The following TSSC4 variants were observed in gnomAD, a reference collection of about 807,000 sequenced individuals.
The protein encoded by TSSC4 is U5 small nuclear ribonucleoprotein TSSC4.
For synonymous variants in TSSC4, 259 were observed against 197.9 expected, an observed-to-expected ratio of 1.31 and a Z score of -2.59; for missense variants, 500 against 443.9, an observed-to-expected ratio of 1.13 and a Z score of -1.14.
rs11555995 is a variant in TSSC4, at chr11:2,402,315, A to C, written c.-159A>C. 2 of 354,140 alleles carry C rather than the reference A, an allele frequency of 5.6e-6. No homozygotes were observed. The highest frequency in any genetic ancestry group is 1.1e-5 in the Non-Finnish European group (2 of 189,910). The allele number at this position is 354,140 out of a possible 1,614,324, so 21.9% of individuals were successfully genotyped here. ...GCAGTTGAGCAGCTGAACAGAGGCC[A>C]TGCCGGGGCACTCCGAGGCCTGAGA... On this transcript the variant is annotated 5_prime_UTR_variant, in exon 2 of 3. An upstream start codon of the reference 5' UTR is lost. Coordinates refer to ENST00000333256, the MANE Select transcript of TSSC4 (RefSeq NM_005706.4).
chr11:2,403,012 G>T lies in TSSC4; in HGVS notation c.379G>T (p.Ala127Ser), dbSNP rs1432779469. The change falls in exon 3 of 3, where the codon GCG (alanine) becomes TCG (serine). Residue 127 changes from alanine to serine, a missense_variant. Ala to Ser is a moderately conservative substitution (Grantham distance 99, BLOSUM62 1). Transcript: ENST00000333256. ...CAACGGAGGCTTCAAGCGGCCCCTA[G>T]CGCCCTCAGGCCGGTCTCCAGTGGA... The part of the protein sequence containing the change: ...SDNGGFKRPL[A>S]PSGRSPVEGL... 2 of 1,608,022 alleles carry T rather than the reference G, an allele frequency of 1.2e-6. No homozygotes were observed. The highest frequency in any genetic ancestry group is 1.7e-6 in the Non-Finnish European group (2 of 1,177,818).
In TSSC4 at chr11:2,403,274, T is replaced by C; in HGVS notation, c.641T>C (p.Ile214Thr). 6.2e-7 allele frequency: 1 copy of C among 1,612,386 alleles called. No homozygotes were observed. The highest frequency in any genetic ancestry group is 8.5e-7 in the Non-Finnish European group (1 of 1,179,518). ...DPSSCGEGRVIFTKPVRGVEA... is the reference protein window; with the variant it reads ...DPSSCGEGRVTFTKPVRGVEA... The stretch of plus-strand genomic sequence containing the variant: ...TCCAGCTGTGGGGAGGGGAGGGTCA[T>C]CTTCACCAAACCAGTCCGAGGGGTC... The change falls in exon 3 of 3, where the codon ATC becomes ACC. Residue 214 changes from isoleucine to threonine, a missense_variant. Transcript: ENST00000333256.
In TSSC4 at chr11:2,402,521, A is replaced by G. The variant is rs981967459; in HGVS notation, c.-24+71A>G. On this transcript the variant is annotated intron_variant, in intron 2 of 2. Transcript: ENST00000333256. ...GGACAGTTCTGTCAGTTGACCCTCC[A>G]CTTGTCCAGGGGCAGTGGATCTGCA... is the stretch of plus-strand genomic sequence containing the variant. 6.6e-6 allele frequency: 8 copies of G among 1,213,784 alleles called. No homozygotes were observed. In the African/African-American group the frequency reaches 1.1e-4, roughly 16 times the overall value. 75.2% of individuals were successfully genotyped at this position (1,213,784 alleles called of 1,614,324 possible).
At chr11:2,401,019 G>T (rs1444352287) in intron 1 of TSSC4, 3 of 152,214 alleles carry the variant, frequency 2.0e-5, no homozygotes, top group African/African-American at 7.2e-5. Flanking sequence ...GCTTGGCACC[G>T]AGAGTTCGTT....
At position 2,403,476 on chromosome 11, in the gene TSSC4, G is replaced by T; in HGVS notation, c.843G>T (p.Val281=). The T allele has an allele frequency of 6.2e-7, 1 of 1,600,344 alleles. No homozygotes were observed. Among genetic ancestry groups the T allele is most frequent in the Non-Finnish European group, 8.5e-7 (1 of 1,172,844 alleles). The change falls in exon 3 of 3, where the codon GTG becomes GTT. Residue 281 remains valine (V), a synonymous_variant. Coordinates refer to ENST00000333256, the MANE Select transcript of TSSC4 (RefSeq NM_005706.4). ...WGSHHGGLQE[V]EALSGSVHSG... is the part of the protein sequence containing the mutation. The stretch of plus-strand genomic sequence containing the variant: ...GCCACCATGGAGGCCTGCAGGAGGT[G>T]GAGGCACTGTCAGGGTCTGTCCACA...
At position 2,403,219 on chromosome 11, in the gene TSSC4, G is replaced by A. The variant is rs145539922; in HGVS notation, c.586G>A (p.Asp196Asn). Residue 196 changes from aspartate to asparagine, a missense_variant, in exon 3 of 3, where the codon GAC (aspartate) becomes AAC (asparagine). Coordinates refer to ENST00000333256, the MANE Select transcript of TSSC4 (RefSeq NM_005706.4). ...LGSQSLAAPT[D>N]CVSSFNQDPS... is the part of the protein sequence containing the mutation. ...CTCCCAGAGCCTGGCTGCCCCCACT[G>A]ACTGCGTGTCCTCCTTCAACCAGGA... is the stretch of plus-strand genomic sequence containing the variant. 18 of 1,612,844 alleles carry A rather than the reference G, an allele frequency of 1.1e-5. No individual in the cohort carries two copies. The South Asian group carries it at 1.9e-4, about 17-fold the overall frequency.
Position 2,403,168 on chromosome 11 carries a change from C to A in TSSC4, c.535C>A (p.Gln179Lys), listed in dbSNP as rs766846580. 5 of 1,612,266 alleles carry A rather than the reference C, an allele frequency of 3.1e-6. No homozygotes were observed. In the South Asian group the frequency reaches 4.4e-5, roughly 14 times the overall value. Reference protein sequence around the residue: ...DVTEVSEQSNQATALAFLGSQ... With the variant: ...DVTEVSEQSNKATALAFLGSQ... ...GACCGAGGTCAGCGAGCAGAGCAAT[C>A]AGGCCACCGCCCTGGCCTTCCTGGG... Residue 179 changes from glutamine (Q) to lysine (K), a missense_variant, in exon 3 of 3, where the codon CAG becomes AAG. Transcript: ENST00000333256.
Position 2,403,668 on chromosome 11 carries a change from C to A in TSSC4, c.*45C>A. The stretch of plus-strand genomic sequence containing the variant: ...GACCCCACTGGCCACTGCCATCCTG[C>A]TGCCTTCCCAGTGGGGCTGGTCAGG... On this transcript the variant is annotated 3_prime_UTR_variant, in exon 3 of 3. Coordinates refer to ENST00000333256, the MANE Select transcript of TSSC4 (RefSeq NM_005706.4). 11 of 1,456,322 alleles carry A rather than the reference C, an allele frequency of 7.6e-6. No homozygotes were observed. The highest frequency in any genetic ancestry group is 1.0e-5 in the Non-Finnish European group (11 of 1,102,764). The allele number at this position is 1,456,322 out of a possible 1,614,324, so 90.2% of individuals were successfully genotyped here. A position where few individuals can be genotyped will look rare whatever the true frequency, so the allele number is the denominator to read the frequency against.
In TSSC4 at chr11:2,403,290, C is replaced by G. The variant is rs1403460546; in HGVS notation, c.657C>G (p.Val219=). 2.5e-6 allele frequency: 4 copies of G among 1,612,054 alleles called. No individual in the cohort carries two copies. Among genetic ancestry groups the G allele is most frequent in the Non-Finnish European group, 2.5e-6 (3 of 1,179,396 alleles). The part of the protein sequence containing the change: ...GEGRVIFTKP[V]RGVEARHERK... ...GGAGGGTCATCTTCACCAAACCAGT[C>G]CGAGGGGTCGAAGCCAGACACGAGA... is the stretch of plus-strand genomic sequence containing the variant. Residue 219 remains valine (V), a synonymous_variant, in exon 3 of 3, where the codon GTC becomes GTG. Coordinates refer to ENST00000333256, the MANE Select transcript of TSSC4 (RefSeq NM_005706.4).
chr11:2,402,508 C>A (rs1850178299), intron 2 of TSSC4, 58 bp downstream of exon 2: 1 of 1,075,256 alleles, frequency 9.3e-7, no homozygotes. Context: ...ACAGTTCTGT[C>A]AGTTGACCCT....
intron 2 of TSSC4, 28 bp from the exon 3 acceptor site, chr11:2,402,583 A>T: frequency 6.6e-7 from 1 of 1,519,718 alleles, no homozygotes; most frequent in South Asian, 1.3e-5. Context: ...CTCCTGAGAA[A>T]CAAATTTTCT....
rs141568055 is a variant in TSSC4 at position 2,402,702 on chromosome 11, G to T, written c.69G>T (p.Thr23=). The change falls in exon 3 of 3, where the codon ACG becomes ACT. Residue 23 remains threonine (T), a synonymous_variant. Transcript: ENST00000333256. ...GCGAACACGGGACGGAGTATGACAC[G>T]CTGCCTTCCGACACAGTCTCCCTCA... ...VEGEHGTEYD[T]LPSDTVSLSD... 2.7e-5 allele frequency: 43 copies of T among 1,580,316 alleles called. No homozygotes were observed. The highest frequency in any genetic ancestry group is 3.4e-5 in the Non-Finnish European group (40 of 1,163,132).
At chr11:2,401,546 C>G (rs1040457735) in intron 1 of TSSC4, 1 of 152,386 alleles carries the variant, frequency 6.6e-6, no homozygotes. Flanking sequence ...CCCCTGACCC[C>G]ATCCTTATTG....
rs747937579 is a variant in TSSC4 at position 2,403,357 on chromosome 11, G to A, written c.724G>A (p.Gly242Ser). The change falls in exon 3 of 3, where the codon GGC becomes AGC. Residue 242 changes from glycine (G) to serine (S), a missense_variant. By Grantham distance (56) the Gly-to-Ser change is moderately conservative. Coordinates refer to ENST00000333256, the MANE Select transcript of TSSC4 (RefSeq NM_005706.4). ...GAAGGTGGGAGAGCCAGGCAGGGGC[G>A]GCCTTGGGAATCCTGCCACAGACAG... ...LGKVGEPGRGGLGNPATDRGE... is the reference protein window; with the variant it reads ...LGKVGEPGRGSLGNPATDRGE... 100 of 1,611,336 alleles carry A rather than the reference G, an allele frequency of 6.2e-5. No homozygotes were observed. Among genetic ancestry groups the A allele is most frequent in the Middle Eastern group, 1.6e-4 (1 of 6,076 alleles).
At chr11:2,402,542 C>G in intron 2 of TSSC4, 69 bp from the exon 3 acceptor site, 1 of 1,361,138 alleles carries the variant, frequency 7.3e-7, no homozygotes, top group Non-Finnish European at 9.9e-7. Flanking sequence ...GGCAGTGGAT[C>G]TGCAGGGGGA....
Position 2,403,705 on chromosome 11 carries a change from C to G in TSSC4, c.*82C>G. On this transcript the variant is annotated 3_prime_UTR_variant, in exon 3 of 3. Coordinates refer to ENST00000333256, the MANE Select transcript of TSSC4 (RefSeq NM_005706.4). ...TGGGGCTGGTCAGGGGGCAGCCTGG[C>G]CACTGCCTAGCTGGAATGGGAGGAA... 1 of 1,365,442 alleles carries G rather than the reference C, an allele frequency of 7.3e-7. No individual in the cohort carries two copies. Among genetic ancestry groups the G allele is most frequent in the Non-Finnish European group, 9.6e-7 (1 of 1,038,804 alleles). The allele number at this position is 1,365,442 out of a possible 1,614,324, so 84.6% of individuals were successfully genotyped here.
chr11:2,403,773 G>T lies in TSSC4; in HGVS notation c.*150G>T, dbSNP rs1275132905. 3 of 778,030 alleles carry T rather than the reference G, an allele frequency of 3.9e-6. No individual in the cohort carries two copies. Among genetic ancestry groups the T allele is most frequent in the African/African-American group, 1.8e-5 (1 of 55,296 alleles). 48.2% of individuals were successfully genotyped at this position (778,030 alleles called of 1,614,324 possible). ...GTGGCCCTGGCTGCAGTTCTGGGCAGCATCCTCCCAAGCAGAGACCTTGCT... is the reference window on the plus strand; with the variant it reads ...GTGGCCCTGGCTGCAGTTCTGGGCATCATCCTCCCAAGCAGAGACCTTGCT... On this transcript the variant is annotated 3_prime_UTR_variant, in exon 3 of 3. Transcript: ENST00000333256.
rs1313433533 is a variant in TSSC4, at chr11:2,403,031, C to T, written c.398C>T (p.Pro133Leu). 6.2e-7 allele frequency: 1 copy of T among 1,608,778 alleles called. No individual in the cohort carries two copies. Among genetic ancestry groups the T allele is most frequent in the Non-Finnish European group, 8.5e-7 (1 of 1,178,274 alleles). The change falls in exon 3 of 3, where the codon CCA (proline) becomes CTA (leucine). Residue 133 changes from proline to leucine, a missense_variant. By Grantham distance (98) the Pro-to-Leu change is moderately conservative. Transcript: ENST00000333256. Reference protein sequence around the residue: ...KRPLAPSGRSPVEGLGRAHRS... With the variant: ...KRPLAPSGRSLVEGLGRAHRS... ...CCCCTAGCGCCCTCAGGCCGGTCTCCAGTGGAAGGCCTGGGCAGGGCCCAT... is the reference window on the plus strand; with the variant it reads ...CCCCTAGCGCCCTCAGGCCGGTCTCTAGTGGAAGGCCTGGGCAGGGCCCAT...
Position 2,402,469 on chromosome 11 carries a change from G to A in TSSC4, c.-24+19G>A. 6 of 721,590 alleles carry A rather than the reference G, an allele frequency of 8.3e-6. No homozygotes were observed. Among genetic ancestry groups the A allele is most frequent in the South Asian group, 5.8e-5 (3 of 51,756 alleles). The allele number at this position is 721,590 out of a possible 1,614,324, so 44.7% of individuals were successfully genotyped here. ...AAGAGAGGTGAGAGGAGGGCTTGGA[G>A]GGGGAGGCGGGACTCCACCCTGTGT... On this transcript the variant is annotated intron_variant, in intron 2 of 2. Transcript: ENST00000333256.
Sources: allele counts gnomAD v4.1 joint callset, GRCh38; gene constraint gnomAD v4.1.1; transcripts MANE v1.5; gene names NCBI Gene and HGNC (gene_info 2026-07-23, HGNC 2026-07-21).